Variants in WWTR1 observed in about 807,000 individuals in gnomAD.
WWTR1 encodes the protein WW domain containing transcription regulator 1.
WWTR1 carries 13 observed loss-of-function variants against 40.1 expected under a neutral mutation model. The observed-to-expected ratio is 0.32, with a 90% CI of 0.21 to 0.52. WWTR1 has a LOEUF of 0.52. Ranked by LOEUF, WWTR1 falls within the 20% of genes least tolerant of loss-of-function variation. The pLI is 0.97. For missense variants in WWTR1, 436 were observed against 523.1 expected (o/e 0.83, Z 1.63); for synonymous variants, 230 against 210.1 (o/e 1.09, Z -0.82).
intron 5 of WWTR1, 111 bp downstream of exon 5, chr3:149,527,725 C>A: frequency 6.8e-7 from 1 of 1,477,070 alleles, no homozygotes. Context: ...TTTATTCTCA[C>A]CCTCAACCCT....
chr3:149,714,113 G>T (rs1427789149), intron 5 of WWTR1, among the ~76,000 whole-genome samples: 2 of 152,226 alleles, frequency 1.3e-5, no homozygotes, highest in East Asian at 3.9e-4. Context: ...GGCAGAGAGG[G>T]AACCCAAGGC....
intron 2 of WWTR1, among the ~76,000 whole-genome samples, chr3:149,654,119 T>TA (rs1381844886): frequency 8.1e-6 from 1 of 123,578 alleles, no homozygotes; most frequent in Non-Finnish European, 1.9e-5. Context: ...CAGCCAAAAA[T>TA]AAAAAAATTA....
chr3:149,585,208 C>G (rs185677720), intron 2 of WWTR1, among the ~76,000 whole-genome samples: 1 of 151,702 alleles, frequency 6.6e-6, no homozygotes, highest in Admixed American at 6.6e-5. Flanking sequence ...TCTCTGCTCA[C>G]TGCAACCTTC....
intron 1 of WWTR1, among the ~76,000 whole-genome samples, chr3:149,689,403 C>CAAAAAAAAA (rs1714750314): frequency 2.4e-5 from 2 of 84,978 alleles, no homozygotes; most frequent in African/African-American, 4.0e-5. Flanking sequence ...AAAAAAAAAG[C>CAAAAAAAAA]AAAGAAGACA....
At chr3:149,646,790 T>C (rs1038198359) in intron 2 of WWTR1, among the ~76,000 whole-genome samples, 1 of 152,170 alleles carries the variant, frequency 6.6e-6, no homozygotes, top group South Asian at 2.1e-4. Flanking sequence ...CTGAATAAAG[T>C]GTTAACAATG....
At chr3:149,680,985 C>T (rs1714443901) in intron 1 of WWTR1, among the ~76,000 whole-genome samples, 1 of 152,156 alleles carries the variant, frequency 6.6e-6, no homozygotes, top group Non-Finnish European at 1.5e-5. Flanking sequence ...ATACATTTAT[C>T]AAACAATGCT....
chr3:149,651,833 T>C (rs1205944577), intron 2 of WWTR1, among the ~76,000 whole-genome samples: 11 of 146,156 alleles, frequency 7.5e-5, no homozygotes, highest in East Asian at 2.0e-4. Context: ...GATTTTCTTT[T>C]TTTTTTTTTT....
At chr3:149,578,323 G>A (rs1737985703) in intron 2 of WWTR1, among the ~76,000 whole-genome samples, 1 of 152,074 alleles carries the variant, frequency 6.6e-6, no homozygotes, top group African/African-American at 2.4e-5. Flanking sequence ...ACAATATACT[G>A]GTTCCTCACT....
At chr3:149,607,857 A>G (rs534509795) in intron 2 of WWTR1, among the ~76,000 whole-genome samples, 1 of 152,358 alleles carries the variant, frequency 6.6e-6, no homozygotes, top group South Asian at 2.1e-4. Context: ...TTCCCAAGAG[A>G]TAACTGAAAC....
At chr3:149,721,804 T>G (rs1715764236) in intron 4 of WWTR1, among the ~76,000 whole-genome samples, 1 of 152,226 alleles carries the variant, frequency 6.6e-6, no homozygotes, top group Non-Finnish European at 1.5e-5. Context: ...GCTCAAACGA[T>G]CCTGTCACTG....
Position 149,657,078 on chromosome 3 carries a change from G to A in WWTR1, c.229C>T (p.Arg77Ter). ...ACATGCTGGGCACCCCCAGCCAGTC[G>A]AGGCCCCGGGTGGCCGCCCGACGAG... ...TDSSGGHPGPRLAGGAQHVRS... is the reference protein window; with the variant it reads ...TDSSGGHPGP Residue 77 changes from arginine to a stop codon, truncating the protein, a stop_gained, in exon 2 of 7, where the codon CGA becomes TGA. Transcript: ENST00000360632. LOFTEE classifies it high-confidence loss of function. 6.4e-7 allele frequency: 1 copy of A among 1,568,652 alleles called. No individual in the cohort carries two copies. Among genetic ancestry groups the A allele is most frequent in the South Asian group, 1.1e-5 (1 of 87,200 alleles).
chr3:149,716,047 G>A (rs1715600546), intron 5 of WWTR1, among the ~76,000 whole-genome samples: 1 of 152,126 alleles, frequency 6.6e-6, no homozygotes, highest in Non-Finnish European at 1.5e-5. Context: ...TCTATTCAGT[G>A]AAGAGAGAAT....
chr3:149,667,059 G>C (rs1011648113), intron 2 of WWTR1, among the ~76,000 whole-genome samples: 1 of 152,140 alleles, frequency 6.6e-6, no homozygotes, highest in African/African-American at 2.4e-5. Flanking sequence ...AAATGTGTTG[G>C]AGGTACTGAA....
intron 3 of WWTR1, among the ~76,000 whole-genome samples, chr3:149,547,849 G>A (rs1358744289): frequency 7.1e-6 from 1 of 140,762 alleles, no homozygotes. Context: ...TTAATAATTG[G>A]CTTTCTCTTC....
At chr3:149,676,619 T>C (rs1714268435) in intron 1 of WWTR1, among the ~76,000 whole-genome samples, 1 of 152,144 alleles carries the variant, frequency 6.6e-6, no homozygotes, top group South Asian at 2.1e-4. Flanking sequence ...AGTTCAGATT[T>C]ATGATGAGAA....
At chr3:149,639,160 T>C (rs191254948) in intron 2 of WWTR1, among the ~76,000 whole-genome samples, 73 of 152,276 alleles carry the variant, frequency 4.8e-4, no homozygotes, top group Middle Eastern at 3.4e-3. Flanking sequence ...AATGAATAAA[T>C]CATTCTTCTT....
intron 2 of WWTR1, among the ~76,000 whole-genome samples, chr3:149,642,576 C>G (rs1014952849): frequency 1.3e-5 from 2 of 151,734 alleles, no homozygotes; most frequent in Non-Finnish European, 2.9e-5. Flanking sequence ...GAGATCGAGA[C>G]CATCCTGGCT....
intron 2 of WWTR1, among the ~76,000 whole-genome samples, chr3:149,641,600 A>C (rs1223462372): frequency 6.6e-6 from 1 of 152,228 alleles, no homozygotes; most frequent in Non-Finnish European, 1.5e-5. Context: ...TAATAATTAC[A>C]AAAGGTTGTG....
At chr3:149,597,678 T>C (rs2108043569) in intron 2 of WWTR1, among the ~76,000 whole-genome samples, 1 of 152,166 alleles carries the variant, frequency 6.6e-6, no homozygotes, top group East Asian at 1.9e-4. Context: ...GATAGACTCA[T>C]TAACATCAGC....
Sources: gnomAD v4.1 joint callset for allele counts (sites outside exome capture counted in the v4.1 genomes callset) on GRCh38, gnomAD v4.1.1 for gene constraint, MANE v1.5 for transcripts, NCBI Gene and HGNC (gene_info 2026-07-23, HGNC 2026-07-21) for gene names.